POU6F2: variants seen among roughly 807,000 people sequenced by gnomAD.
The protein encoded by POU6F2 is POU domain, class 6, transcription factor 2.
A neutral mutation model predicts 71.3 loss-of-function variants in POU6F2; 31 were observed. That is an observed-to-expected ratio of 0.43 (90% CI 0.33 to 0.59). The LOEUF (loss-of-function observed/expected upper bound fraction) is 0.59, where lower values mean the gene tolerates loss of function less well. Ranked by LOEUF, POU6F2 falls within the 20% of genes least tolerant of loss-of-function variation. The pLI is 0.04. For missense variants in POU6F2, 783 were observed against 856.8 expected, an observed-to-expected ratio of 0.91 and a Z score of 1.07; for synonymous variants, 347 against 355.7, an observed-to-expected ratio of 0.98 and a Z score of 0.27.
intron 2 of POU6F2, chr7:39,132,722 C>T (rs980331053): frequency 9.2e-5 from 14 of 152,158 alleles, no homozygotes; most frequent in African/African-American, 3.4e-4. Flanking sequence ...TAGCCTGAAG[C>T]CTTTGGACTC....
intron 1 of POU6F2, among the ~76,000 whole-genome samples, chr7:39,047,530 C>T (rs939008421): frequency 1.3e-5 from 2 of 151,602 alleles, no homozygotes; most frequent in African/African-American, 2.4e-5. Context: ...GTATTTGCAA[C>T]GACAATAGAT....
At chr7:39,039,897 T>C (rs978291593) in intron 1 of POU6F2, among the ~76,000 whole-genome samples, 1 of 146,082 alleles carries the variant, frequency 6.8e-6, no homozygotes, top group East Asian at 2.1e-4. Flanking sequence ...GTATAGAGCT[T>C]GATGCAATGA....
At chr7:39,091,911 C>T (rs1210416657) in intron 2 of POU6F2, among the ~76,000 whole-genome samples, 6 of 152,130 alleles carry the variant, frequency 3.9e-5, no homozygotes, top group Non-Finnish European at 7.3e-5. Flanking sequence ...GATTGACGAC[C>T]TTGCTGGTTT....
At chr7:38,978,753 G>T (rs1788241606) in intron 1 of POU6F2, among the ~76,000 whole-genome samples, 1 of 152,140 alleles carries the variant, frequency 6.6e-6, no homozygotes, top group African/African-American at 2.4e-5. Flanking sequence ...AGGTGAGCTG[G>T]TCTGGGGCTG....
chr7:39,451,655 C>T lies in POU6F2; in HGVS notation c.1443C>T (p.Ser481=), dbSNP rs781053450. The stretch of plus-strand genomic sequence containing the variant: ...TCCGGCAGGCTTCCTCTTCTTCCTC[C>T]TCATCCTCCTCTTCTTCAGCTTTGA... ...SPVRQASSSS[S]SSSSSSALSV... is the part of the protein sequence containing the mutation. Residue 481 remains serine (S), a synonymous_variant, in exon 8 of 10, where the codon TCC becomes TCT. Transcript: ENST00000518318. The T allele has an allele frequency of 6.2e-7, 1 of 1,611,082 alleles. No homozygotes were observed. Among genetic ancestry groups the T allele is most frequent in the Non-Finnish European group, 8.5e-7 (1 of 1,178,658 alleles).
chr7:39,258,438 C>T (rs1289450892), intron 4 of POU6F2, among the ~76,000 whole-genome samples: 3 of 152,156 alleles, frequency 2.0e-5, no homozygotes, highest in African/African-American at 7.2e-5. Context: ...ATTCTGTCCT[C>T]ATTGGTAGCT....
At position 39,012,198 on chromosome 7, in the gene POU6F2, T is replaced by C. The variant is rs576656636; in HGVS notation, c.105+34140T>C. ...GATTTGGTCTTTTCACATAGTCCCA[T>C]ATTTCTTGGAGTCTTTGCTCATTTC... On this transcript the variant is annotated intron_variant, in intron 1 of 9. Transcript: ENST00000518318. Among the ~76,000 whole-genome samples, 1,360 of 152,228 alleles carry C rather than the reference T, an allele frequency of 8.9e-3. 13 individuals are homozygous for C. Among genetic ancestry groups the C allele is most frequent in the African/African-American group, 0.028 (1,148 of 41,526 alleles).
chr7:39,026,135 C>A (rs1789795174), intron 1 of POU6F2, among the ~76,000 whole-genome samples: 1 of 151,856 alleles, frequency 6.6e-6, no homozygotes, highest in South Asian at 2.1e-4. Context: ...AATAGGAACA[C>A]TTTTACACTG....
chr7:39,364,186 G>C (rs1786450402), intron 5 of POU6F2, among the ~76,000 whole-genome samples: 1 of 152,100 alleles, frequency 6.6e-6, no homozygotes, highest in Non-Finnish European at 1.5e-5. Context: ...ACGGAACACA[G>C]ACATAGTTGC....
chr7:39,191,029 C>T (rs994592347), intron 2 of POU6F2, among the ~76,000 whole-genome samples: 6 of 152,182 alleles, frequency 3.9e-5, no homozygotes, highest in Admixed American at 6.5e-5. Context: ...AGAAATTGTA[C>T]GTCAAAATCT....
At chr7:39,127,836 ATTTTTT>A (rs70977460) in intron 2 of POU6F2, among the ~76,000 whole-genome samples, 3 of 104,176 alleles carry the variant, frequency 2.9e-5, no homozygotes, top group Middle Eastern at 6.8e-3. Context: ...AGCCAGTGGA[ATTTTTT>A]TTTTTTTTTT....
intron 1 of POU6F2, among the ~76,000 whole-genome samples, chr7:38,981,838 G>A (rs1005982752): frequency 4.6e-5 from 7 of 152,146 alleles, no homozygotes; most frequent in Admixed American, 3.9e-4. Flanking sequence ...ACAGTGCTCA[G>A]TATGTGTGCA....
chr7:39,299,646 G>C (rs531581299), intron 4 of POU6F2, among the ~76,000 whole-genome samples: 1 of 152,236 alleles, frequency 6.6e-6, no homozygotes, highest in South Asian at 2.1e-4. Flanking sequence ...AAAATCGTGA[G>C]AACTAAATAA....
intron 1 of POU6F2, among the ~76,000 whole-genome samples, chr7:39,038,300 A>G (rs1425911000): frequency 2.6e-5 from 4 of 151,998 alleles, no homozygotes; most frequent in African/African-American, 9.7e-5. Context: ...TTCATTGTAT[A>G]TTAAAATTTG....
intron 2 of POU6F2, among the ~76,000 whole-genome samples, chr7:39,196,312 G>A (rs187114911): frequency 2.0e-5 from 3 of 152,174 alleles, no homozygotes; most frequent in East Asian, 1.9e-4. Flanking sequence ...AAACAAAATC[G>A]TATTTTATCA....
intron 5 of POU6F2, among the ~76,000 whole-genome samples, chr7:39,357,805 G>A (rs944479820): frequency 6.6e-6 from 1 of 152,196 alleles, no homozygotes; most frequent in Non-Finnish European, 1.5e-5. Flanking sequence ...AGGTGGCACG[G>A]AGGGGAAGGG....
chr7:39,042,487 AG>A (rs1470991641), intron 1 of POU6F2, among the ~76,000 whole-genome samples: 1 of 152,004 alleles, frequency 6.6e-6, no homozygotes, highest in African/African-American at 2.4e-5. Flanking sequence ...CTCTGTCAGC[AG>A]GGTCTCTGAG....
chr7:39,147,178 A>G (rs1389229565), intron 2 of POU6F2, among the ~76,000 whole-genome samples: 3 of 152,206 alleles, frequency 2.0e-5, no homozygotes, highest in Non-Finnish European at 4.4e-5. Flanking sequence ...CAATGTTATT[A>G]TTTAAAAAAT....
chr7:39,221,435 G>T (rs4473926), intron 4 of POU6F2, among the ~76,000 whole-genome samples: 1 of 123,060 alleles, frequency 8.1e-6, no homozygotes, highest in Non-Finnish European at 1.6e-5. Context: ...CTGTCCTCCA[G>T]ACTGGAGTGC....
Sources: gnomAD v4.1 joint callset for allele counts (sites outside exome capture counted in the v4.1 genomes callset) on GRCh38, gnomAD v4.1.1 for gene constraint, MANE v1.5 for transcripts, NCBI Gene and HGNC (gene_info 2026-07-23, HGNC 2026-07-21) for gene names.